The following MYT1L variants were observed in gnomAD, a reference collection of about 807,000 sequenced individuals.
The protein encoded by MYT1L is myelin transcription factor 1 like.
In MYT1L, 12 loss-of-function variants were observed where a neutral mutation model predicts 126.7. The observed-to-expected ratio is 0.09, with a 90% CI of 0.06 to 0.15. The LOEUF is 0.15. Ranked by LOEUF, MYT1L falls within the 10% of genes least tolerant of loss-of-function variation. The probability of loss-of-function intolerance (pLI) is 1.00; values close to 1 mark genes in which losing one functional copy is unlikely to be tolerated. For missense variants in MYT1L, 979 were observed against 1,585.2 expected (o/e 0.62, Z 6.49); for synonymous variants, 541 against 604.2 (o/e 0.90, Z 1.53).
intron 1 of MYT1L, among the ~76,000 whole-genome samples, chr2:2,295,663 CAGAGAGAGAGAGAGAGACAGACAG>C (rs1559584644): frequency 1.0e-3 from 33 of 32,198 alleles, no homozygotes; most frequent in South Asian, 3.9e-3. Flanking sequence ...GACAGACAGA[CAGAGAGAGAGAGAGAGACAGACAG>C]AGAGAGAGAG....
At chr2:1,858,144 G>A (rs1350783057) in intron 18 of MYT1L, among the ~76,000 whole-genome samples, 3 of 152,226 alleles carry the variant, frequency 2.0e-5, no homozygotes, top group East Asian at 1.9e-4. Context: ...GATTATGGGC[G>A]TAAGCCACCA....
chr2:2,067,757 G>A (rs2074054208), intron 3 of MYT1L, among the ~76,000 whole-genome samples: 1 of 151,942 alleles, frequency 6.6e-6, no homozygotes, highest in Admixed American at 6.6e-5. Flanking sequence ...GAAAGTGGAA[G>A]GTCAAGTTAT....
intron 3 of MYT1L, among the ~76,000 whole-genome samples, chr2:2,127,837 T>C (rs2081913596): frequency 6.6e-6 from 1 of 152,146 alleles, no homozygotes; most frequent in Non-Finnish European, 1.5e-5. Context: ...CCTTGCCGAA[T>C]AATGTAATCA....
In MYT1L at chr2:1,887,661, G is replaced by T; in HGVS notation, c.2521-52C>A. ...CACACGGATGATCACATGGCACACA[G>T]ACTGAGGGAGGTGGTTCGTGGCTCT... is the stretch of plus-strand genomic sequence containing the variant. On this transcript the variant is annotated intron_variant, in intron 16 of 24. Transcript: ENST00000647738. This position sits in a 1 kb window ranked among gnomAD's most constrained non-coding sequence, Gnocchi z 4.8. The T allele has an allele frequency of 6.2e-7, 1 of 1,612,298 alleles. No homozygotes were observed. Among genetic ancestry groups the T allele is most frequent in the South Asian group, 1.1e-5 (1 of 90,936 alleles).
chr2:2,004,497 G>A (rs1012696637), intron 4 of MYT1L, among the ~76,000 whole-genome samples: 3 of 147,538 alleles, frequency 2.0e-5, no homozygotes, highest in African/African-American at 7.6e-5. Context: ...TTTCCTGCAG[G>A]CATTCTTTCC....
chr2:1,934,689 TTC>T (rs1313091078), intron 9 of MYT1L, among the ~76,000 whole-genome samples: 4 of 129,500 alleles, frequency 3.1e-5, no homozygotes, highest in East Asian at 2.2e-4. Flanking sequence ...CATTCTCTCT[TTC>T]TCTCTCTCTT....
At chr2:1,961,918 T>C (rs183334132) in intron 8 of MYT1L, among the ~76,000 whole-genome samples, 172 of 152,336 alleles carry the variant, frequency 1.1e-3, no homozygotes, top group Middle Eastern at 3.4e-3. Context: ...TAGTTTACAA[T>C]AATGTATTGT....
rs2031819051 is a variant in MYT1L at position 1,790,232 on chromosome 2, T to C, written c.*1635A>G. 6.6e-6 allele frequency: 1 copy of C among 152,104 alleles called. No individual in the cohort carries two copies. Among genetic ancestry groups the C allele is most frequent in the African/African-American group, 2.4e-5 (1 of 41,404 alleles). 9.4% of individuals were successfully genotyped at this position (152,104 alleles called of 1,614,324 possible). A position where few individuals can be genotyped will look rare whatever the true frequency, so the allele number is the denominator to read the frequency against. ...GCTAAAAATATTTTTTTTTTATTTTTACAAAACCCATCTTTTTTTTATTTC... is the reference window on the plus strand; with the variant it reads ...GCTAAAAATATTTTTTTTTTATTTTCACAAAACCCATCTTTTTTTTATTTC... On this transcript the variant is annotated 3_prime_UTR_variant, in exon 25 of 25. Coordinates refer to ENST00000647738, the MANE Select transcript of MYT1L (RefSeq NM_001303052.2).
intron 23 of MYT1L, 129 bp from the exon 24 acceptor site, chr2:1,792,593 G>A (rs2032349002): frequency 2.0e-6 from 2 of 1,015,628 alleles, no homozygotes; most frequent in Non-Finnish European, 2.8e-6. Context: ...CTTCGGGCCG[G>A]GCGCCGTGGC....
intron 3 of MYT1L, among the ~76,000 whole-genome samples, chr2:2,171,975 G>T (rs1043066367): frequency 6.6e-6 from 1 of 152,150 alleles, no homozygotes; most frequent in Admixed American, 6.5e-5. Flanking sequence ...AGCATGCTGA[G>T]AAATTGCCAT....
At chr2:2,225,894 C>G (rs2093996937) in intron 2 of MYT1L, among the ~76,000 whole-genome samples, 1 of 152,178 alleles carries the variant, frequency 6.6e-6, no homozygotes, top group Non-Finnish European at 1.5e-5. Context: ...TTCCTAGCTG[C>G]ACTTTACAGA....
At chr2:1,923,285 C>A in intron 9 of MYT1L, 22 bp from the exon 10 acceptor site, 3 of 1,534,116 alleles carry the variant, frequency 2.0e-6, no homozygotes, top group East Asian at 2.4e-5. Context: ...ATAAAAAAGA[C>A]AAAAAAGAAA....
At chr2:1,797,958 CCCT>C (rs1287762496) in intron 23 of MYT1L, among the ~76,000 whole-genome samples, 1 of 50,852 alleles carries the variant, frequency 2.0e-5, no homozygotes, top group Admixed American at 2.2e-4. Flanking sequence ...GGCGGTCTCC[CCCT>C]TCTCCGGCAC....
chr2:1,930,147 C>G (rs1431494509), intron 9 of MYT1L, among the ~76,000 whole-genome samples: 2 of 152,180 alleles, frequency 1.3e-5, no homozygotes, highest in Non-Finnish European at 2.9e-5. Context: ...AGGAAGGACA[C>G]AGAACTACAG....
At chr2:1,863,477 G>A (rs1468966201) in intron 18 of MYT1L, among the ~76,000 whole-genome samples, 1 of 152,162 alleles carries the variant, frequency 6.6e-6, no homozygotes, top group Non-Finnish European at 1.5e-5. Context: ...TTGAGATTCC[G>A]ACATTCATCC....
chr2:2,279,654 C>T (rs1443640061), intron 2 of MYT1L, among the ~76,000 whole-genome samples: 3 of 152,008 alleles, frequency 2.0e-5, no homozygotes, highest in Admixed American at 2.0e-4. Context: ...TGTTCCATGC[C>T]CAGGTTGCTT....
At chr2:2,119,598 C>A (rs906491129) in intron 3 of MYT1L, among the ~76,000 whole-genome samples, 6 of 152,182 alleles carry the variant, frequency 3.9e-5, no homozygotes, top group African/African-American at 1.4e-4. Flanking sequence ...GAGAAGCATG[C>A]TGTGCATTTC....
At chr2:2,105,513 GAAC>G (rs1283989309) in intron 3 of MYT1L, among the ~76,000 whole-genome samples, 3 of 152,100 alleles carry the variant, frequency 2.0e-5, no homozygotes, top group Non-Finnish European at 4.4e-5. Context: ...CATGACATAA[GAAC>G]AACTGCTTTC....
At chr2:2,291,292 G>A (rs1269791909) in intron 1 of MYT1L, among the ~76,000 whole-genome samples, 2 of 152,140 alleles carry the variant, frequency 1.3e-5, no homozygotes, top group African/African-American at 4.8e-5. Flanking sequence ...TGTGATTTGA[G>A]CTTAAATCTC....
Sources: allele counts gnomAD v4.1 joint callset (sites outside exome capture counted in the v4.1 genomes callset), GRCh38; gene constraint gnomAD v4.1.1; non-coding constraint Gnocchi (gnomAD v3.1); transcripts MANE v1.5; gene names NCBI Gene and HGNC (gene_info 2026-07-23, HGNC 2026-07-21).